Variants in CWC22 observed in about 807,000 individuals in gnomAD.
CWC22 encodes CWC22 spliceosome associated protein, also known as pre-mRNA-splicing factor CWC22 homolog.
A neutral mutation model predicts 117.2 loss-of-function variants in CWC22; 53 were observed. The observed-to-expected ratio is 0.45, with a 90% CI of 0.36 to 0.57. The LOEUF (loss-of-function observed/expected upper bound fraction) is 0.57, where lower values mean the gene tolerates loss of function less well. CWC22 is among the 20% of genes least tolerant of loss of function. The pLI is 0.00. For synonymous variants in CWC22, 360 were observed against 355.6 expected, an observed-to-expected ratio of 1.01 and a Z score of -0.14; for missense variants, 980 against 1,068.8, an observed-to-expected ratio of 0.92 and a Z score of 1.16.
intron 6 of CWC22, among the ~76,000 whole-genome samples, chr2:179,974,791 A>C (rs1687117148): frequency 6.6e-6 from 1 of 152,076 alleles, no homozygotes; most frequent in African/African-American, 2.4e-5. Flanking sequence ...TCACTCTGTC[A>C]CCCAGGCAGG....
At chr2:179,975,979 G>A (rs1687143752) in intron 6 of CWC22, among the ~76,000 whole-genome samples, 1 of 152,086 alleles carries the variant, frequency 6.6e-6, no homozygotes, top group African/African-American at 2.4e-5. Flanking sequence ...CAAAGCTGGA[G>A]GCATCACACT....
At chr2:179,971,989 T>C (rs1451707030) in intron 8 of CWC22, among the ~76,000 whole-genome samples, 1 of 152,210 alleles carries the variant, frequency 6.6e-6, no homozygotes, top group Non-Finnish European at 1.5e-5. Context: ...ATTTATCATA[T>C]CGAGTGTTTC....
Position 179,973,237 on chromosome 2 carries a change from G to C in CWC22, c.760C>G (p.Leu254Val), listed in dbSNP as rs756293269. 4.4e-6 allele frequency: 7 copies of C among 1,599,432 alleles called. No homozygotes were observed. The South Asian group carries it at 7.9e-5, about 18-fold the overall frequency. Residue 254 changes from leucine to valine, a missense_variant, in exon 8 of 20, where the codon CTG (leucine) becomes GTG (valine). Physicochemically the swap from Leu to Val is conservative, Grantham distance 32. This residue lies in a region of CWC22 where 559 missense variants were observed against 602.3 expected (regional missense o/e 0.93). Coordinates refer to ENST00000410053, the MANE Select transcript of CWC22 (RefSeq NM_020943.3). ...TGCGCCACAAATTTTGAAGCAGTCA[G>C]GCAAAGTTGCTGAAAAATAAAGGTG... ...GYRRNDKQLC[L>V]TASKFVAHLI...
At chr2:179,949,298 A>C (rs2105505515) in intron 19 of CWC22, among the ~76,000 whole-genome samples, 1 of 152,336 alleles carries the variant, frequency 6.6e-6, no homozygotes, top group East Asian at 1.9e-4. Context: ...AAAAGATATC[A>C]TATCTAGAAT....
Position 179,945,004 on chromosome 2 carries a change from A to G in CWC22, c.*125T>C. ...TTATAAAACATGTTAAAATGAAAAC[A>G]TTTTTTAAATTTACAAATACAAACC... is the stretch of plus-strand genomic sequence containing the variant. On this transcript the variant is annotated 3_prime_UTR_variant, in exon 20 of 20. Transcript: ENST00000410053. The G allele has an allele frequency of 1.5e-6, 1 of 646,626 alleles. No individual in the cohort carries two copies. The highest frequency in any genetic ancestry group is 2.5e-6 in the Non-Finnish European group (1 of 407,008). 40.1% of individuals were successfully genotyped at this position (646,626 alleles called of 1,614,324 possible).
At chr2:179,972,048 C>T (rs190766984) in intron 8 of CWC22, among the ~76,000 whole-genome samples, 2 of 152,218 alleles carry the variant, frequency 1.3e-5, no homozygotes, top group African/African-American at 2.4e-5. Flanking sequence ...CATTTAAAAA[C>T]GGAAATATAT....
chr2:179,987,033 C>T (rs915013162), intron 3 of CWC22, among the ~76,000 whole-genome samples: 2 of 152,108 alleles, frequency 1.3e-5, no homozygotes, highest in Admixed American at 6.5e-5. Flanking sequence ...ACCAAACTTA[C>T]TTGTTTAGTG....
In CWC22 at chr2:179,965,931, C is replaced by T. The variant is rs1275863075; in HGVS notation, c.1262G>A (p.Ser421Asn). The change falls in exon 12 of 20, where the codon AGT becomes AAT. Residue 421 changes from serine (S) to asparagine (N), a missense_variant. By Grantham distance (46) the Ser-to-Asn change is conservative. This residue lies in a region of CWC22 where 559 missense variants were observed against 602.3 expected (regional missense o/e 0.93). Coordinates refer to ENST00000410053, the MANE Select transcript of CWC22 (RefSeq NM_020943.3). ...TTCTTCTTCCTCGTCCTCTTCACTA[C>T]TCCCAGCATCCTGGTCTGTGTTCGA... is the stretch of plus-strand genomic sequence containing the variant. ...TDSNTDQDAG[S>N]SEEDEEEEEE... 6.2e-7 allele frequency: 1 copy of T among 1,610,334 alleles called. No homozygotes were observed. The highest frequency in any genetic ancestry group is 1.3e-5 in the African/African-American group (1 of 74,860).
At chr2:179,991,765 G>T (rs1223815006) in intron 2 of CWC22, among the ~76,000 whole-genome samples, 1 of 152,106 alleles carries the variant, frequency 6.6e-6, no homozygotes, top group South Asian at 2.1e-4. Context: ...CCACCTACTA[G>T]GTCCTCAATA....
chr2:179,985,829 T>C (rs1217159202), intron 4 of CWC22, among the ~76,000 whole-genome samples: 1 of 151,968 alleles, frequency 6.6e-6, no homozygotes, highest in Non-Finnish European at 1.5e-5. Context: ...AGTATATATA[T>C]ATATGGTTCA....
intron 2 of CWC22, among the ~76,000 whole-genome samples, chr2:179,990,562 G>C (rs1211631534): frequency 1.3e-5 from 2 of 151,884 alleles, no homozygotes; most frequent in Non-Finnish European, 2.9e-5. Context: ...GAGAGAGAGA[G>C]AGAGAGAGAG....
At chr2:179,953,748 T>A (rs1007063404) in intron 16 of CWC22, among the ~76,000 whole-genome samples, 1 of 152,106 alleles carries the variant, frequency 6.6e-6, no homozygotes, top group African/African-American at 2.4e-5. Context: ...AACTTCAATG[T>A]CTGCTAAAAA....
chr2:179,945,291 C>T lies in CWC22; in HGVS notation c.2565G>A (p.Lys855=), dbSNP rs1424715894. The part of the protein sequence containing the change: ...NFRRKDRSKS[K]EMNRKHSGSR... The stretch of plus-strand genomic sequence containing the variant: ...AGCCTGAGTGCTTTCTATTCATTTC[C>T]TTTGACTTTGATCTATCTTTTCTTC... The change falls in exon 20 of 20, where the codon AAG becomes AAA. Residue 855 remains lysine, a synonymous_variant. Transcript: ENST00000410053. The T allele has an allele frequency of 6.2e-7, 1 of 1,613,498 alleles. No homozygotes were observed. Among genetic ancestry groups the T allele is most frequent in the African/African-American group, 1.3e-5 (1 of 74,864 alleles).
At position 179,964,565 on chromosome 2, in the gene CWC22, TA is replaced by T; in HGVS notation, c.1378del (p.Tyr460IlefsTer8). On this transcript the variant is annotated frameshift_variant, in exon 13 of 20. Transcript: ENST00000410053. LOFTEE classifies it high-confidence loss of function. ...GCCTTACCTTGACTGAATAGCAAGA[TA>T]AATTGTACGACGAAATGAGACCAGG... ...INLVSFRRTI[Y>X]LAIQSSLDFE... 6.4e-7 allele frequency: 1 copy of T among 1,567,828 alleles called. No homozygotes were observed. Among genetic ancestry groups the T allele is most frequent in the Non-Finnish European group, 8.7e-7 (1 of 1,152,074 alleles).
intron 15 of CWC22, 27 bp downstream of exon 15, chr2:179,954,930 A>T: frequency 7.6e-7 from 1 of 1,311,366 alleles, no homozygotes; most frequent in Non-Finnish European, 1.1e-6. Flanking sequence ...CGTTTTAAGA[A>T]TTCCCTCAGT....
intron 14 of CWC22, among the ~76,000 whole-genome samples, chr2:179,957,845 A>C (rs1686637062): frequency 6.6e-6 from 1 of 151,750 alleles, no homozygotes; most frequent in Non-Finnish European, 1.5e-5. Flanking sequence ...TACATTAGAA[A>C]AAAAAAAACA....
intron 14 of CWC22, among the ~76,000 whole-genome samples, chr2:179,958,275 G>T (rs1310799984): frequency 1.4e-5 from 2 of 141,514 alleles, no homozygotes; most frequent in African/African-American, 5.3e-5. Context: ...AGGTTGCAGT[G>T]AGCCGAGATC....
intron 11 of CWC22, among the ~76,000 whole-genome samples, chr2:179,969,436 T>C (rs945560649): frequency 3.3e-5 from 5 of 152,192 alleles, no homozygotes; most frequent in African/African-American, 1.2e-4. Context: ...TCTCCCAATT[T>C]TACTTTTCAT....
At chr2:179,986,271 G>C (rs1219425163) in intron 4 of CWC22, among the ~76,000 whole-genome samples, 5 of 152,064 alleles carry the variant, frequency 3.3e-5, no homozygotes, top group Non-Finnish European at 7.4e-5. Flanking sequence ...ATGTCCCTCT[G>C]CCATTACGCA....
Sources: allele counts gnomAD v4.1 joint callset (sites outside exome capture counted in the v4.1 genomes callset), GRCh38; gene constraint gnomAD v4.1.1; regional missense constraint gnomAD v4.1.1; transcripts MANE v1.5; gene names NCBI Gene and HGNC (gene_info 2026-07-23, HGNC 2026-07-21).